The following FRY variants were observed in gnomAD, a reference collection of about 807,000 sequenced individuals.
FRY encodes the protein FRY microtubule binding protein, also known as protein furry homolog.
A neutral mutation model predicts 348.4 loss-of-function variants in FRY; 128 were observed. That is an observed-to-expected ratio of 0.37 (90% CI 0.32 to 0.43). FRY has a LOEUF of 0.43. Ranked by LOEUF, FRY falls within the 20% of genes least tolerant of loss-of-function variation. FRY has a pLI of 1.00. For missense variants in FRY, 2,736 were observed against 3,695.2 expected, an observed-to-expected ratio of 0.74 and a Z score of 6.73; for synonymous variants, 1,370 against 1,374.7, an observed-to-expected ratio of 1.00 and a Z score of 0.08.
chr13:32,260,004 A>G (rs78036475), intron 51 of FRY, among the ~76,000 whole-genome samples: 1,754 of 152,340 alleles, frequency 0.012, 27 homozygotes, highest in Middle Eastern at 0.041. Flanking sequence ...GATGATTTCT[A>G]TATCTTATCC....
At chr13:32,103,425 A>G (rs1425199708) in intron 3 of FRY, among the ~76,000 whole-genome samples, 3 of 152,190 alleles carry the variant, frequency 2.0e-5, no homozygotes, top group East Asian at 3.9e-4. Context: ...CAAACACCGC[A>G]TGTTCTCACT....
intron 35 of FRY, among the ~76,000 whole-genome samples, chr13:32,217,654 A>G (rs7323213): frequency 0.23 from 34,529 of 152,172 alleles, 4,059 homozygotes; most frequent in South Asian, 0.35. Flanking sequence ...GGGAGTTGGC[A>G]TGGCACTGAA....
At chr13:32,218,728 T>A in intron 35 of FRY, 21 bp from the exon 36 acceptor site, 1 of 1,418,764 alleles carries the variant, frequency 7.0e-7, no homozygotes, top group Non-Finnish European at 9.9e-7. Context: ...TATTTCATTC[T>A]GGTTGTTCTT....
At chr13:32,287,032 G>T (rs1348255440) in intron 58 of FRY, among the ~76,000 whole-genome samples, 3 of 151,812 alleles carry the variant, frequency 2.0e-5, no homozygotes, top group Non-Finnish European at 4.4e-5. Flanking sequence ...AGGCGTGGTG[G>T]CACGCGCTTG....
intron 29 of FRY, among the ~76,000 whole-genome samples, chr13:32,199,884 A>C (rs1883901911): frequency 6.6e-6 from 1 of 152,206 alleles, no homozygotes; most frequent in African/African-American, 2.4e-5. Context: ...CCTATAACAG[A>C]ATGCCTGGAA....
intron 43 of FRY, among the ~76,000 whole-genome samples, chr13:32,236,877 C>T (rs1213496915): frequency 1.3e-5 from 2 of 152,028 alleles, no homozygotes; most frequent in African/African-American, 4.8e-5. Flanking sequence ...AAAAATATAG[C>T]AAGAATGTTG....
At chr13:32,234,818 G>T (rs1433643353) in intron 42 of FRY, 57 bp downstream of exon 42, 3 of 1,341,892 alleles carry the variant, frequency 2.2e-6, no homozygotes, top group Admixed American at 3.4e-5. Context: ...TCTCAATGAG[G>T]TGTAAACTAT....
Position 32,276,458 on chromosome 13 carries a change from C to T in FRY, c.8287-6C>T, listed in dbSNP as rs141296796. On this transcript the variant is annotated splice_region_variant and splice_polypyrimidine_tract_variant and intron_variant, in intron 56 of 60. Coordinates refer to ENST00000542859, the MANE Select transcript of FRY (RefSeq NM_023037.3). ...GTTTTAATACCAATTATTTTCCTGT[C>T]TTTAGCTCCTTTCATGTGGACTTCT... The T allele has an allele frequency of 6.7e-7, 1 of 1,491,282 alleles. No homozygotes were observed. Among genetic ancestry groups the T allele is most frequent in the African/African-American group, 1.4e-5 (1 of 72,664 alleles). 92.4% of individuals were successfully genotyped at this position (1,491,282 alleles called of 1,614,324 possible).
In FRY at chr13:32,295,496, C is replaced by T; in HGVS notation, c.*36C>T. ...CTGTCCCCACTGGGTTCCAAACTGG[C>T]AGTGCTGCCATGCTGGGGCAACGTC... On this transcript the variant is annotated 3_prime_UTR_variant, in exon 61 of 61. Transcript: ENST00000542859. 1 of 1,600,528 alleles carries T rather than the reference C, an allele frequency of 6.2e-7. No homozygotes were observed. Among genetic ancestry groups the T allele is most frequent in the Non-Finnish European group, 8.5e-7 (1 of 1,174,466 alleles).
intron 28 of FRY, among the ~76,000 whole-genome samples, chr13:32,192,566 G>A (rs1319620573): frequency 1.3e-5 from 2 of 152,024 alleles, no homozygotes; most frequent in South Asian, 2.1e-4. Flanking sequence ...TACTTAAAGC[G>A]AGTTGGGGGA....
rs557537359 is a variant in FRY, at chr13:32,250,183, C to A, written c.7170+496C>A. On this transcript the variant is annotated intron_variant, in intron 49 of 60. Transcript: ENST00000542859. ...ATGGCAAGGGGCGGGGGTACTGCTG[C>A]CAGATTCTCTGTAGTTCTGTCATCA... Among the ~76,000 whole-genome samples the A allele has an allele frequency of 2.1e-3, 314 of 152,324 alleles. 4 individuals carry two copies. The highest frequency in any genetic ancestry group is 7.4e-3 in the African/African-American group (307 of 41,582).
intron 47 of FRY, among the ~76,000 whole-genome samples, 162 bp from the exon 48 acceptor site, chr13:32,247,161 G>A (rs775089938): frequency 6.6e-6 from 1 of 152,004 alleles, no homozygotes; most frequent in Non-Finnish European, 1.5e-5. Context: ...TATATACATT[G>A]TCTTTTTATG....
chr13:32,116,411 T>C (rs2138689941), intron 3 of FRY, among the ~76,000 whole-genome samples: 1 of 152,302 alleles, frequency 6.6e-6, no homozygotes, highest in Admixed American at 6.5e-5. Context: ...TCTCCCACTC[T>C]GTGGTTTGTC....
At chr13:32,069,235 G>A (rs541713599) in intron 1 of FRY, among the ~76,000 whole-genome samples, 28 of 152,072 alleles carry the variant, frequency 1.8e-4, no homozygotes, top group African/African-American at 5.5e-4. Flanking sequence ...ATTCTTTTTC[G>A]TACTCCTAGC....
intron 2 of FRY, 30 bp downstream of exon 2, chr13:32,079,063 T>A (rs559547593): frequency 7.0e-7 from 1 of 1,428,372 alleles, no homozygotes; most frequent in African/African-American, 1.4e-5. Context: ...ACTGCCTCTT[T>A]GAAAATTCAT....
At chr13:32,277,781 T>C (rs1481710623) in intron 57 of FRY, among the ~76,000 whole-genome samples, 2 of 152,272 alleles carry the variant, frequency 1.3e-5, no homozygotes, top group South Asian at 2.1e-4. Context: ...TGTGGCCTTT[T>C]ACCTGCCACT....
chr13:32,087,289 CTGCT>C (rs1210358059), intron 2 of FRY, among the ~76,000 whole-genome samples: 4 of 152,350 alleles, frequency 2.6e-5, no homozygotes, highest in African/African-American at 9.6e-5. Context: ...GACAGCATTA[CTGCT>C]TGCTAGTGTT....
chr13:32,031,816 G>A lies in FRY; in HGVS notation c.21G>A (p.Ser7=), dbSNP rs745743930. MASQQD[S]GFFEISIKYL... Reference sequence around the variant, plus strand: ...CAGACATGGCCAGCCAGCAGGATTCGGGCTTCTTTGAGATCAGTATCAAAT... The same window carrying A: ...CAGACATGGCCAGCCAGCAGGATTCAGGCTTCTTTGAGATCAGTATCAAAT... Residue 7 remains serine, a synonymous_variant, in exon 1 of 61, where the codon TCG becomes TCA. Coordinates refer to ENST00000542859, the MANE Select transcript of FRY (RefSeq NM_023037.3). 6.2e-7 allele frequency: 1 copy of A among 1,607,326 alleles called. No homozygotes were observed. The highest frequency in any genetic ancestry group is 1.1e-5 in the South Asian group (1 of 90,878).
At chr13:32,111,648 C>G (rs1354573741) in intron 3 of FRY, among the ~76,000 whole-genome samples, 1 of 152,130 alleles carries the variant, frequency 6.6e-6, no homozygotes, top group Non-Finnish European at 1.5e-5. Flanking sequence ...CATATGAGGG[C>G]TACATGTGTT....
Sources: gnomAD v4.1 joint callset for allele counts (sites outside exome capture counted in the v4.1 genomes callset) on GRCh38, gnomAD v4.1.1 for gene constraint, MANE v1.5 for transcripts, NCBI Gene and HGNC (gene_info 2026-07-23, HGNC 2026-07-21) for gene names.